Variants in CEBPZOS observed in about 807,000 individuals in gnomAD.
CEBPZOS encodes protein CEBPZOS.
CEBPZOS carries 10 observed loss-of-function variants against 4.8 expected under a neutral mutation model. The observed-to-expected ratio is 2.07, with a 90% CI of 1.28 to 3.52. The LOEUF (loss-of-function observed/expected upper bound fraction) is 3.52. Among genes scored for constraint, CEBPZOS ranks in the 30% most tolerant of loss-of-function variants. CEBPZOS has a pLI of 0.00. For missense variants in CEBPZOS, 98 were observed against 43.6 expected, an observed-to-expected ratio of 2.25 and a Z score of -3.51; for synonymous variants, 25 against 14.2, an observed-to-expected ratio of 1.77 and a Z score of -1.72.
chr2:37,206,163 T>C (rs547105346), downstream of CEBPZOS, among the ~76,000 whole-genome samples: 1 of 152,082 alleles, frequency 6.6e-6, no homozygotes, highest in Admixed American at 6.5e-5. Flanking sequence ...AGGAGGAAAA[T>C]GGCGGATAAG....
At chr2:37,199,475 T>C (rs1251216012) in intron 1 of CEBPZOS, among the ~76,000 whole-genome samples, 1 of 152,244 alleles carries the variant, frequency 6.6e-6, no homozygotes, top group Non-Finnish European at 1.5e-5. Context: ...TTTCTCTCTT[T>C]CCTGTGCTTT....
At chr2:37,212,620 C>T (rs1558471264) in intron 4 of CEBPZOS, 4 of 533,754 alleles carry the variant, frequency 7.5e-6, no homozygotes, top group Non-Finnish European at 1.3e-5. Flanking sequence ...TTAATTTCGG[C>T]TCTTTCTACA....
chr2:37,211,075 T>C (rs770117185), intron 4 of CEBPZOS: 1 of 1,605,328 alleles, frequency 6.2e-7, no homozygotes, highest in Non-Finnish European at 8.5e-7. Flanking sequence ...TGGAGTGGAC[T>C]TCAAGTTCTG....
downstream of CEBPZOS, chr2:37,213,861 T>C (rs771575739): frequency 1.3e-6 from 2 of 1,591,232 alleles, no homozygotes; most frequent in Admixed American, 3.4e-5. Context: ...CAAAACAAAT[T>C]ACCAATCAGC....
At chr2:37,206,977 A>G (rs147037939), downstream of CEBPZOS, among the ~76,000 whole-genome samples, 177 of 152,318 alleles carry the variant, frequency 1.2e-3, 2 homozygotes, top group Admixed American at 1.9e-3. Flanking sequence ...ATGCAAATGG[A>G]AACCAAAAGC....
At position 37,200,954 on chromosome 2, in the gene CEBPZOS, C is replaced by CA. The variant is rs908341406; in HGVS notation, c.116-93dup. ...AATTTCTAATCTATATGGTTCCCAT[C>CA]ATATGGACCCTAAAGCTAGCATTAA... On this transcript the variant is annotated intron_variant, in intron 2 of 4. Coordinates refer to ENST00000402297, the MANE Select transcript of CEBPZOS (RefSeq NM_001322374.2). 3 of 676,442 alleles carry CA rather than the reference C, an allele frequency of 4.4e-6. No individual in the cohort carries two copies. The African/African-American group carries it at 5.4e-5, about 12-fold the overall frequency. The allele number at this position is 676,442 out of a possible 1,614,324, so 41.9% of individuals were successfully genotyped here.
chr2:37,212,412 T>C (rs1400899471), intron 4 of CEBPZOS: 1 of 1,598,542 alleles, frequency 6.3e-7, no homozygotes, highest in East Asian at 2.2e-5. Context: ...AATACAGAAA[T>C]GTGAGATACA....
In CEBPZOS at chr2:37,201,701, A is replaced by T. The variant is rs776745351; in HGVS notation, c.220A>T (p.Thr74Ser). 4.4e-4 allele frequency: 446 copies of T among 1,009,420 alleles called. No individual in the cohort carries two copies. Among genetic ancestry groups the T allele is most frequent in the Non-Finnish European group, 6.0e-4 (391 of 651,532 alleles). The allele number at this position is 1,009,420 out of a possible 1,614,324, so 62.5% of individuals were successfully genotyped here. The change falls in exon 4 of 5, where the codon ACA (threonine) becomes TCA (serine). Residue 74 changes from threonine to serine, a missense_variant. By Grantham distance (58) the Thr-to-Ser change is moderately conservative. Transcript: ENST00000402297. Reference sequence around the variant, plus strand: ...TGGAATCAGAGAGCTAGATCAAAAAACATGGTTGAACAGCAAAAATTAGAT... The same window carrying T: ...TGGAATCAGAGAGCTAGATCAAAAATCATGGTTGAACAGCAAAAATTAGAT... ...MYGIRELDQK[T>S]WLNSKN
chr2:37,206,287 T>G (rs74943546), downstream of CEBPZOS, among the ~76,000 whole-genome samples: 444 of 152,304 alleles, frequency 2.9e-3, 1 homozygote, highest in African/African-American at 9.5e-3. Flanking sequence ...GAAGGAGAGA[T>G]ATCTATGCTG....
intron 1 of CEBPZOS, 98 bp from the exon 2 acceptor site, chr2:37,199,606 C>T: frequency 1.5e-6 from 1 of 650,650 alleles, no homozygotes; most frequent in African/African-American, 1.8e-5. Flanking sequence ...ACAGAGAAGC[C>T]ATTCAAACTG....
chr2:37,203,439 T>C lies in CEBPZOS; in HGVS notation c.*1579T>C, dbSNP rs1677381467. 6.6e-6 allele frequency: 1 copy of C among 150,724 alleles called. No individual in the cohort carries two copies. The highest frequency in any genetic ancestry group is 1.5e-5 in the Non-Finnish European group (1 of 67,834). The allele number at this position is 150,724 out of a possible 1,614,324, so 9.3% of individuals were successfully genotyped here. On this transcript the variant is annotated 3_prime_UTR_variant, in exon 5 of 5. Transcript: ENST00000402297. ...ATTATGCTATAAATGAAGTTGTTTA[T>C]AACAGCGAAAAAGGTTCTCCTTTAA...
chr2:37,202,977 A>G lies in CEBPZOS; in HGVS notation c.*1117A>G, dbSNP rs1367097891. 2.6e-6 allele frequency: 4 copies of G among 1,560,478 alleles called. No individual in the cohort carries two copies. In the African/African-American group the frequency reaches 5.5e-5, roughly 22 times the overall value. On this transcript the variant is annotated 3_prime_UTR_variant, in exon 5 of 5. Coordinates refer to ENST00000402297, the MANE Select transcript of CEBPZOS (RefSeq NM_001322374.2). ...CTTCAGCAGATACAAATAGGCTGGA[A>G]TCATTTAAGTTTCTTTTCTTTTTTC...
intron 4 of CEBPZOS, chr2:37,211,071 G>A (rs1460693423): frequency 2.5e-6 from 4 of 1,604,558 alleles, no homozygotes; most frequent in African/African-American, 1.3e-5. Flanking sequence ...ACTTTGGAGT[G>A]GACTTCAAGT....
rs370973266 is a variant in CEBPZOS at position 37,211,971 on chromosome 2, T to C, written c.*3-1466T>C. On this transcript the variant is annotated intron_variant, in intron 4 of 4. Coordinates refer to the CEBPZOS transcript ENST00000397064. ...ATCGTCATCCAGGTTACCAAGTTCA[T>C]CATCACTACCTTCTGAATCTTCATC... 4 of 1,613,614 alleles carry C rather than the reference T, an allele frequency of 2.5e-6. No individual in the cohort carries two copies. Among genetic ancestry groups the C allele is most frequent in the East Asian group, 2.2e-5 (1 of 44,844 alleles).
At chr2:37,214,804 T>A (rs1168314958), downstream of CEBPZOS, 4 of 849,942 alleles carry the variant, frequency 4.7e-6, no homozygotes, top group African/African-American at 5.1e-5. Context: ...AGTAGATTAT[T>A]TCATAAAATG....
At chr2:37,198,600 G>A (rs910413713) in intron 1 of CEBPZOS, 1 of 152,218 alleles carries the variant, frequency 6.6e-6, no homozygotes, top group African/African-American at 2.4e-5. Flanking sequence ...TGAAAAACAA[G>A]TGGTTCTCCT....
At chr2:37,209,033 C>A (rs1220027974), downstream of CEBPZOS, 1 of 117,410 alleles carries the variant, frequency 8.5e-6, no homozygotes, top group Non-Finnish European at 1.7e-5. Context: ...CTCTACCCCC[C>A]TTACAACACC....
chr2:37,199,578 T>A (rs1393364705), intron 1 of CEBPZOS, 126 bp from the exon 2 acceptor site: 1 of 583,272 alleles, frequency 1.7e-6, no homozygotes, highest in African/African-American at 1.9e-5. Flanking sequence ...TATACCATAG[T>A]ATTGGTCTTA....
downstream of CEBPZOS, among the ~76,000 whole-genome samples, chr2:37,206,515 G>T (rs1677545193): frequency 6.6e-6 from 1 of 152,132 alleles, no homozygotes; most frequent in African/African-American, 2.4e-5. Context: ...TTACCAACAT[G>T]CCCAGCTAAT....
Sources: gnomAD v4.1 joint callset for allele counts (sites outside exome capture counted in the v4.1 genomes callset) on GRCh38, gnomAD v4.1.1 for gene constraint, MANE v1.5 for transcripts, NCBI Gene and HGNC (gene_info 2026-07-23, HGNC 2026-07-21) for gene names.